GNG12: variants seen among roughly 807,000 people sequenced by gnomAD.
The protein encoded by GNG12 is G protein subunit gamma 12, also known as guanine nucleotide-binding protein G(I)/G(S)/G(O) subunit gamma-12.
For synonymous variants in GNG12, 28 were observed against 29.7 expected, an observed-to-expected ratio of 0.94 and a Z score of 0.19; for missense variants, 69 against 83.8, an observed-to-expected ratio of 0.82 and a Z score of 0.69.
intron 1 of GNG12, among the ~76,000 whole-genome samples, chr1:67,792,399 C>A (rs1646806720): frequency 6.6e-6 from 1 of 152,114 alleles, no homozygotes; most frequent in African/African-American, 2.4e-5. Flanking sequence ...ATAAACATTT[C>A]CTCTTTCCCC....
At chr1:67,798,180 A>G (rs2100792666) in intron 1 of GNG12, among the ~76,000 whole-genome samples, 1 of 152,272 alleles carries the variant, frequency 6.6e-6, no homozygotes, top group East Asian at 1.9e-4. Flanking sequence ...GCACAGCATG[A>G]GGTGAGCGGC....
chr1:67,794,643 A>G (rs938288076), intron 1 of GNG12, among the ~76,000 whole-genome samples: 1 of 152,226 alleles, frequency 6.6e-6, no homozygotes, highest in Non-Finnish European at 1.5e-5. Flanking sequence ...AAATTAGTTC[A>G]GCTTTTCTGT....
chr1:67,812,075 G>A (rs1175422375), intron 1 of GNG12, among the ~76,000 whole-genome samples: 1 of 152,148 alleles, frequency 6.6e-6, no homozygotes, highest in African/African-American at 2.4e-5. Context: ...TAATGGCTTA[G>A]GGAATGCCAA....
intron 1 of GNG12, among the ~76,000 whole-genome samples, chr1:67,814,108 CAATG>C (rs1456849338): frequency 6.6e-6 from 1 of 152,060 alleles, no homozygotes; most frequent in African/African-American, 2.4e-5. Flanking sequence ...TTAATACTGA[CAATG>C]AACCTTTTCC....
At chr1:67,811,419 C>T (rs1314222247) in intron 1 of GNG12, among the ~76,000 whole-genome samples, 2 of 152,158 alleles carry the variant, frequency 1.3e-5, no homozygotes, top group African/African-American at 4.8e-5. Flanking sequence ...TAACACAACA[C>T]TAAGCGATTC....
At chr1:67,773,197 C>T (rs764021809) in intron 2 of GNG12, among the ~76,000 whole-genome samples, 6 of 152,182 alleles carry the variant, frequency 3.9e-5, no homozygotes, top group Admixed American at 6.5e-5. Flanking sequence ...GAATTCTGGG[C>T]TCCTCTCTGA....
At chr1:67,762,522 C>G (rs770317121) in intron 2 of GNG12, among the ~76,000 whole-genome samples, 5 of 152,030 alleles carry the variant, frequency 3.3e-5, no homozygotes, top group Non-Finnish European at 7.4e-5. Context: ...TAAAGAAAAA[C>G]AAGAGAAAAG....
chr1:67,827,341 A>G (rs936964296), intron 1 of GNG12, among the ~76,000 whole-genome samples: 4 of 152,362 alleles, frequency 2.6e-5, no homozygotes, highest in African/African-American at 9.6e-5. Context: ...AGAAGATTTT[A>G]GCAACCAATC....
chr1:67,722,580 G>A (rs1460905372), intron 2 of GNG12, among the ~76,000 whole-genome samples: 4 of 147,992 alleles, frequency 2.7e-5, no homozygotes, highest in African/African-American at 7.5e-5. Flanking sequence ...TCTTAAATGA[G>A]TCAATCCTTG....
chr1:67,749,008 A>G (rs1646523389), intron 2 of GNG12, among the ~76,000 whole-genome samples: 2 of 151,792 alleles, frequency 1.3e-5, no homozygotes, highest in African/African-American at 4.8e-5. Flanking sequence ...TCTCTGACTT[A>G]TTTTCCAAGG....
chr1:67,770,660 G>A (rs1646668795), intron 2 of GNG12, among the ~76,000 whole-genome samples: 1 of 152,166 alleles, frequency 6.6e-6, no homozygotes. Context: ...GGGGCCCAGA[G>A]CAAGGCCCCT....
chr1:67,823,432 G>A (rs191855933), intron 1 of GNG12, among the ~76,000 whole-genome samples: 1 of 152,256 alleles, frequency 6.6e-6, no homozygotes, highest in African/African-American at 2.4e-5. Context: ...CAATTTGGCA[G>A]CCCACTCTAC....
intron 2 of GNG12, among the ~76,000 whole-genome samples, chr1:67,718,284 T>C (rs1273539753): frequency 6.6e-6 from 1 of 152,158 alleles, no homozygotes; most frequent in Non-Finnish European, 1.5e-5. Flanking sequence ...TCTGCCCTCT[T>C]TCTAACTCCT....
intron 2 of GNG12, among the ~76,000 whole-genome samples, chr1:67,713,643 A>G (rs1646308908): frequency 6.6e-6 from 1 of 152,168 alleles, no homozygotes; most frequent in Non-Finnish European, 1.5e-5. Flanking sequence ...TGTGGCTGTA[A>G]TAAAAGAGCA....
At chr1:67,821,709 T>C (rs150462368) in intron 1 of GNG12, among the ~76,000 whole-genome samples, 2 of 152,286 alleles carry the variant, frequency 1.3e-5, no homozygotes, top group African/African-American at 4.8e-5. Context: ...TAATTTGTTA[T>C]AGCGGCCATA....
chr1:67,830,875 G>A (rs750139047), intron 1 of GNG12, among the ~76,000 whole-genome samples: 1 of 152,256 alleles, frequency 6.6e-6, no homozygotes, highest in African/African-American at 2.4e-5. Context: ...CCAGTAGCCT[G>A]CTGCTTGAAC....
chr1:67,739,362 C>T (rs779759735), intron 2 of GNG12, among the ~76,000 whole-genome samples: 1 of 152,198 alleles, frequency 6.6e-6, no homozygotes, highest in Non-Finnish European at 1.5e-5. Flanking sequence ...AATCCTCTCC[C>T]TCAAGGTGAT....
At chr1:67,760,980 CAGG>C (rs1646599894) in intron 2 of GNG12, among the ~76,000 whole-genome samples, 2 of 152,196 alleles carry the variant, frequency 1.3e-5, no homozygotes, top group Admixed American at 6.5e-5. Context: ...TGAAAATGTG[CAGG>C]AGAACATTTA....
At chr1:67,816,492 C>T (rs971021445) in intron 1 of GNG12, among the ~76,000 whole-genome samples, 7 of 152,222 alleles carry the variant, frequency 4.6e-5, no homozygotes, top group Non-Finnish European at 8.8e-5. Context: ...GACACACTCA[C>T]CCTCCAGTCT....
Sources: allele counts gnomAD v4.1 joint callset (sites outside exome capture counted in the v4.1 genomes callset), GRCh38; gene constraint gnomAD v4.1.1; transcripts MANE v1.5; gene names NCBI Gene and HGNC (gene_info 2026-07-23, HGNC 2026-07-21).